Variants in TMTC2 observed in about 807,000 individuals in gnomAD.
TMTC2 encodes the protein transmembrane O-mannosyltransferase targeting cadherins 2.
TMTC2 carries 43 observed loss-of-function variants against 82.4 expected under a neutral mutation model. The ratio of observed to expected loss-of-function variants is 0.52; its 90% CI spans 0.41 to 0.67. TMTC2 has a LOEUF of 0.67. Among genes scored for constraint, TMTC2 ranks in the 30% least tolerant of loss-of-function variants. The pLI is 0.00. For synonymous variants in TMTC2, 408 were observed against 381.9 expected, an observed-to-expected ratio of 1.07 and a Z score of -0.80; for missense variants, 919 against 1,012.4, an observed-to-expected ratio of 0.91 and a Z score of 1.25.
At chr12:82,908,661 T>G (rs935246494) in intron 3 of TMTC2, among the ~76,000 whole-genome samples, 1 of 152,180 alleles carries the variant, frequency 6.6e-6, no homozygotes, top group Non-Finnish European at 1.5e-5. Context: ...GATCTTAACC[T>G]TATAGAATCA....
At chr12:82,764,905 ATT>A (rs1250894432) in intron 1 of TMTC2, among the ~76,000 whole-genome samples, 2 of 149,758 alleles carry the variant, frequency 1.3e-5, no homozygotes, top group African/African-American at 4.9e-5. Context: ...GGGAATCTGC[ATT>A]TTACGTAAGA....
At chr12:82,767,839 GA>G (rs1435193639) in intron 1 of TMTC2, among the ~76,000 whole-genome samples, 2 of 152,090 alleles carry the variant, frequency 1.3e-5, no homozygotes, top group Non-Finnish European at 2.9e-5. Context: ...TTTCCTTAAA[GA>G]AACCCAGCTC....
intron 1 of TMTC2, among the ~76,000 whole-genome samples, chr12:82,780,506 A>G (rs575985999): frequency 6.6e-6 from 1 of 152,136 alleles, no homozygotes; most frequent in South Asian, 2.1e-4. Context: ...TATCATACCG[A>G]TACCTTGTGA....
intron 11 of TMTC2, among the ~76,000 whole-genome samples, chr12:83,115,167 C>G (rs188811440): frequency 6.6e-6 from 1 of 152,042 alleles, no homozygotes; most frequent in African/African-American, 2.4e-5. Flanking sequence ...GGCTGTACAG[C>G]TGGAAATCCT....
chr12:82,692,061 A>T (rs1388057936), intron 1 of TMTC2, among the ~76,000 whole-genome samples: 2 of 152,186 alleles, frequency 1.3e-5, no homozygotes, highest in African/African-American at 4.8e-5. Context: ...AATAAATTAA[A>T]ATTAGGTGAA....
intron 1 of TMTC2, among the ~76,000 whole-genome samples, chr12:82,699,874 G>A (rs1872989871): frequency 6.6e-6 from 1 of 152,084 alleles, no homozygotes; most frequent in African/African-American, 2.4e-5. Flanking sequence ...ACCAACCATG[G>A]AATGACAATA....
At chr12:82,894,335 C>T (rs1873548012) in intron 2 of TMTC2, among the ~76,000 whole-genome samples, 1 of 152,226 alleles carries the variant, frequency 6.6e-6, no homozygotes, top group South Asian at 2.1e-4. Context: ...ATAATTAGTT[C>T]TGTGGCTTCC....
At chr12:82,959,243 C>T (rs1877781329) in intron 4 of TMTC2, among the ~76,000 whole-genome samples, 2 of 152,104 alleles carry the variant, frequency 1.3e-5, no homozygotes, top group South Asian at 4.1e-4. Context: ...TTAAAATGGT[C>T]ATACTGCCCA....
intron 4 of TMTC2, among the ~76,000 whole-genome samples, chr12:82,963,204 T>C (rs1878019448): frequency 6.6e-6 from 1 of 151,906 alleles, no homozygotes; most frequent in Admixed American, 6.6e-5. Flanking sequence ...TAAGCAATAG[T>C]TAGAGGTGGA....
At chr12:82,687,953 G>A (rs541600110) in intron 1 of TMTC2, among the ~76,000 whole-genome samples, 101 of 152,288 alleles carry the variant, frequency 6.6e-4, no homozygotes, top group Non-Finnish European at 1.1e-3. Flanking sequence ...GGCAATTTGG[G>A]AAACTGTTTA....
At chr12:82,782,627 T>C (rs1404818245) in intron 1 of TMTC2, among the ~76,000 whole-genome samples, 1 of 152,168 alleles carries the variant, frequency 6.6e-6, no homozygotes, top group African/African-American at 2.4e-5. Flanking sequence ...AAGGCACATT[T>C]TGAAACAGAA....
At chr12:82,914,733 G>A (rs1874895769) in intron 3 of TMTC2, among the ~76,000 whole-genome samples, 1 of 150,782 alleles carries the variant, frequency 6.6e-6, no homozygotes, top group South Asian at 2.1e-4. Flanking sequence ...CCATAATAAT[G>A]TGCTTTCCAA....
chr12:83,102,357 A>G (rs1028608174), intron 11 of TMTC2, among the ~76,000 whole-genome samples: 7 of 152,182 alleles, frequency 4.6e-5, no homozygotes, highest in African/African-American at 1.7e-4. Context: ...CTGCTTAATG[A>G]TAAAGGGAGA....
rs372013181 is a variant in TMTC2, at chr12:83,028,559, G to A, written c.2071-2239G>A. Among the ~76,000 whole-genome samples the A allele has an allele frequency of 1.2e-4, 18 of 152,080 alleles. No individual in the cohort carries two copies. In the East Asian group the frequency reaches 1.4e-3, roughly 11 times the overall value. On this transcript the variant is annotated intron_variant, in intron 8 of 11. Transcript: ENST00000321196. Reference sequence around the variant, plus strand: ...AATTTGGGCAAGTGCTTAATGGCACGTATCCACCATTACTGTATCAGATGA... The same window carrying A: ...AATTTGGGCAAGTGCTTAATGGCACATATCCACCATTACTGTATCAGATGA...
intron 7 of TMTC2, among the ~76,000 whole-genome samples, chr12:82,973,459 G>A (rs2137316564): frequency 6.6e-6 from 1 of 152,138 alleles, no homozygotes; most frequent in East Asian, 1.9e-4. Context: ...TAGTCAATAA[G>A]ATAAGGAAAT....
In TMTC2 at chr12:82,833,272, A is replaced by G. The variant is rs183544963; in HGVS notation, c.84-23738A>G. ...CCAGCTGGACAAACATTTATCAACT[A>G]AAGTAGGTGCTAAAGCCAGGCGAGA... On this transcript the variant is annotated intron_variant, in intron 1 of 11. Coordinates refer to ENST00000321196, the MANE Select transcript of TMTC2 (RefSeq NM_152588.3). 6.1e-3 allele frequency among the ~76,000 whole-genome samples: 929 copies of G among 152,332 alleles called. 7 individuals are homozygous for G. Among genetic ancestry groups the G allele is most frequent in the Non-Finnish European group, 9.1e-3 (616 of 68,030 alleles).
intron 1 of TMTC2, among the ~76,000 whole-genome samples, chr12:82,705,791 T>C (rs539389216): frequency 2.0e-5 from 3 of 152,206 alleles, no homozygotes; most frequent in Admixed American, 1.3e-4. Context: ...TGTTAGATAT[T>C]GGGGGCAGTG....
chr12:82,947,232 A>G (rs1877057216), intron 4 of TMTC2, among the ~76,000 whole-genome samples: 2 of 152,180 alleles, frequency 1.3e-5, no homozygotes, highest in African/African-American at 4.8e-5. Flanking sequence ...AAAAATCTCT[A>G]AATCTTCAAA....
intron 11 of TMTC2, among the ~76,000 whole-genome samples, chr12:83,091,757 A>C (rs930146037): frequency 2.6e-5 from 4 of 152,150 alleles, no homozygotes; most frequent in African/African-American, 9.7e-5. Context: ...CTTTTCTACT[A>C]TGGCATTTGT....
Sources: gnomAD v4.1 joint callset for allele counts (sites outside exome capture counted in the v4.1 genomes callset) on GRCh38, gnomAD v4.1.1 for gene constraint, MANE v1.5 for transcripts, NCBI Gene and HGNC (gene_info 2026-07-23, HGNC 2026-07-21) for gene names.